Variants in MAPKAPK5 observed in about 807,000 individuals in gnomAD.
MAPKAPK5 encodes the protein MAPK activated protein kinase 5, also known as MAP kinase-activated protein kinase 5.
A neutral mutation model predicts 65.1 loss-of-function variants in MAPKAPK5; 30 were observed. That is an observed-to-expected ratio of 0.46 (90% CI 0.34 to 0.63). The LOEUF (loss-of-function observed/expected upper bound fraction) is 0.63. Ranked by LOEUF, MAPKAPK5 falls within the 20% of genes least tolerant of loss-of-function variation. The pLI, the probability that MAPKAPK5 is intolerant of heterozygous loss-of-function variation, is 0.01. For synonymous variants in MAPKAPK5, 179 were observed against 204.6 expected, an observed-to-expected ratio of 0.87 and a Z score of 1.07; for missense variants, 433 against 581.4, an observed-to-expected ratio of 0.74 and a Z score of 2.63.
chr12:111,857,038 C>T (rs2069263735), intron 1 of MAPKAPK5, among the ~76,000 whole-genome samples: 1 of 152,114 alleles, frequency 6.6e-6, no homozygotes, highest in Non-Finnish European at 1.5e-5. Context: ...TTAAAATTGA[C>T]TAAAGTCTGG....
intron 12 of MAPKAPK5, 191 bp from the exon 13 acceptor site, chr12:111,889,849 T>G: frequency 3.9e-6 from 2 of 518,684 alleles, no homozygotes; most frequent in Non-Finnish European, 7.0e-6. Flanking sequence ...GATGTCAGAG[T>G]AAAAAAGAGT....
chr12:111,870,960 A>T, intron 6 of MAPKAPK5, 125 bp from the exon 7 acceptor site: 1 of 663,082 alleles, frequency 1.5e-6, no homozygotes, highest in Non-Finnish European at 2.6e-6. Context: ...TGTTATTTTC[A>T]TAAGTTCGCA....
intron 9 of MAPKAPK5, chr12:111,885,363 C>T (rs2136146251): frequency 6.6e-6 from 1 of 152,514 alleles, no homozygotes; most frequent in East Asian, 1.9e-4. Context: ...ACACCCTGGG[C>T]TTAGAAGGAA....
At chr12:111,869,220 A>C (rs1415543725) in intron 5 of MAPKAPK5, among the ~76,000 whole-genome samples, 1 of 152,214 alleles carries the variant, frequency 6.6e-6, no homozygotes, top group East Asian at 1.9e-4. Context: ...ACCACCTGAA[A>C]GATTGTATGG....
At chr12:111,860,984 C>A (rs1340151968) in intron 1 of MAPKAPK5, among the ~76,000 whole-genome samples, 1 of 151,550 alleles carries the variant, frequency 6.6e-6, no homozygotes, top group Non-Finnish European at 1.5e-5. Context: ...CACGGTGAAA[C>A]CCTGTCTCCA....
chr12:111,899,952 A>G lies in MAPKAPK5; in HGVS notation c.*6891A>G, dbSNP rs1442480616. 2 of 456,000 alleles carry G rather than the reference A, an allele frequency of 4.4e-6. No individual in the cohort carries two copies. Among genetic ancestry groups the G allele is most frequent in the Non-Finnish European group, 8.8e-6 (2 of 226,814 alleles). The allele number at this position is 456,000 out of a possible 1,614,324, so 28.2% of individuals were successfully genotyped here. A position where few individuals can be genotyped will look rare whatever the true frequency, so the allele number is the denominator to read the frequency against. ...GGCACTGTCCTACTTGTGGTCACAC[A>G]AAAAGTACGTGGAGATGTTTGTCGT... On this transcript the variant is annotated 3_prime_UTR_variant, in exon 14 of 14. Coordinates refer to ENST00000550735, the MANE Select transcript of MAPKAPK5 (RefSeq NM_003668.4).
chr12:111,851,748 T>C (rs1319300795), intron 1 of MAPKAPK5, among the ~76,000 whole-genome samples: 1 of 152,234 alleles, frequency 6.6e-6, no homozygotes, highest in Non-Finnish European at 1.5e-5. Context: ...GCCATTGTTA[T>C]GGAAAAAGCT....
Position 111,871,135 on chromosome 12 carries a change from T to A in MAPKAPK5, c.534T>A (p.Gly178=). ...CDFGFAKIDQ[G]DLMTPQFTPY... ...TTGGATTTGCCAAGATTGACCAAGG[T>A]GACTTGATGACACCCCAGTTCACCC... is the stretch of plus-strand genomic sequence containing the variant. The change falls in exon 7 of 14, where the codon GGT becomes GGA. Residue 178 remains glycine (G), a synonymous_variant. Coordinates refer to ENST00000550735, the MANE Select transcript of MAPKAPK5 (RefSeq NM_003668.4). 1 of 1,613,752 alleles carries A rather than the reference T, an allele frequency of 6.2e-7. No individual in the cohort carries two copies. The highest frequency in any genetic ancestry group is 8.5e-7 in the Non-Finnish European group (1 of 1,179,852).
intron 1 of MAPKAPK5, among the ~76,000 whole-genome samples, chr12:111,851,038 A>T (rs773468075): frequency 6.6e-6 from 1 of 150,962 alleles, no homozygotes; most frequent in Non-Finnish European, 1.5e-5. Context: ...AGCTGGGATT[A>T]TAGTTGCCTG....
intron 13 of MAPKAPK5, 76 bp downstream of exon 13, chr12:111,890,220 G>C (rs1017775524): frequency 5.4e-6 from 6 of 1,111,110 alleles, no homozygotes; most frequent in Non-Finnish European, 6.6e-6. Context: ...GATCTCTTTG[G>C]GGCCTGAGCT....
chr12:111,895,512 A>G lies in MAPKAPK5; in HGVS notation c.*2451A>G, dbSNP rs1418634721. ...TTATAAATGGATTTCCTGTAAGGAG[A>G]ATATGTCTCCCCCCCACCCCCCACC... is the stretch of plus-strand genomic sequence containing the variant. On this transcript the variant is annotated 3_prime_UTR_variant, in exon 14 of 14. Transcript: ENST00000550735. 6.8e-6 allele frequency: 1 copy of G among 147,402 alleles called. No individual in the cohort carries two copies. The highest frequency in any genetic ancestry group is 2.5e-5 in the African/African-American group (1 of 40,112). 9.1% of individuals were successfully genotyped at this position (147,402 alleles called of 1,614,324 possible).
chr12:111,864,382 A>G (rs1471726940), intron 1 of MAPKAPK5, among the ~76,000 whole-genome samples: 1 of 152,136 alleles, frequency 6.6e-6, no homozygotes, highest in East Asian at 1.9e-4. Flanking sequence ...CGTAGTTTTT[A>G]GTAGACACGG....
In MAPKAPK5 at chr12:111,880,534, G is replaced by A. The variant is rs1223494604; in HGVS notation, c.660+7G>A. 1.9e-6 allele frequency: 3 copies of A among 1,612,938 alleles called. No homozygotes were observed. In the South Asian group the frequency reaches 3.3e-5, roughly 18 times the overall value. Reference sequence around the variant, plus strand: ...GCCCTACACTTACAACAAGGTACAGGAAGAGATATTTCTCTTCATTTGACA... The same window carrying A: ...GCCCTACACTTACAACAAGGTACAGAAAGAGATATTTCTCTTCATTTGACA... On this transcript the variant is annotated splice_region_variant and intron_variant, in intron 8 of 13. Transcript: ENST00000550735.
chr12:111,871,455 A>G (rs1398113413), intron 7 of MAPKAPK5, among the ~76,000 whole-genome samples: 1 of 152,090 alleles, frequency 6.6e-6, no homozygotes, highest in Non-Finnish European at 1.5e-5. Context: ...CCTGGATAAC[A>G]CGGTGAAACC....
chr12:111,847,824 T>A (rs957465137), intron 1 of MAPKAPK5, among the ~76,000 whole-genome samples: 2 of 152,220 alleles, frequency 1.3e-5, no homozygotes, highest in African/African-American at 4.8e-5. Context: ...ACTGATTTGC[T>A]TTGTCACTAT....
intron 12 of MAPKAPK5, 164 bp downstream of exon 12, chr12:111,889,164 C>T: frequency 1.5e-6 from 1 of 665,778 alleles, no homozygotes. Flanking sequence ...AGTCTATGCC[C>T]ACTAAAAAGA....
intron 1 of MAPKAPK5, among the ~76,000 whole-genome samples, chr12:111,861,315 GT>G (rs1002520417): frequency 2.0e-5 from 3 of 148,512 alleles, no homozygotes; most frequent in African/African-American, 7.5e-5. Context: ...TAGTTTTTTT[GT>G]TTTTTTTGTT....
chr12:111,848,042 T>C (rs2099440014), intron 1 of MAPKAPK5, among the ~76,000 whole-genome samples: 1 of 152,266 alleles, frequency 6.6e-6, no homozygotes, highest in Admixed American at 6.5e-5. Context: ...AATAAAGTGA[T>C]AAAACTGTAC....
Position 111,888,872 on chromosome 12 carries a change from CA to C in MAPKAPK5, c.1101-10del. ...TCTCACGTTGTCATTACCCCTCCCTCAAACTCTTAAAGCACCAAGCCAAAGG... is the reference window on the plus strand; with the variant it reads ...TCTCACGTTGTCATTACCCCTCCCTCAACTCTTAAAGCACCAAGCCAAAGG... On this transcript the variant is annotated splice_polypyrimidine_tract_variant and intron_variant, in intron 11 of 13. Transcript: ENST00000550735. 1 of 1,612,882 alleles carries C rather than the reference CA, an allele frequency of 6.2e-7. No homozygotes were observed. Among genetic ancestry groups the C allele is most frequent in the Non-Finnish European group, 8.5e-7 (1 of 1,179,078 alleles).
Sources: gnomAD v4.1 joint callset for allele counts (sites outside exome capture counted in the v4.1 genomes callset) on GRCh38, gnomAD v4.1.1 for gene constraint, MANE v1.5 for transcripts, NCBI Gene and HGNC (gene_info 2026-07-23, HGNC 2026-07-21) for gene names.